The following PLPP4 variants were observed in gnomAD, a reference collection of about 807,000 sequenced individuals.
The protein encoded by PLPP4 is phospholipid phosphatase 4.
Under a neutral mutation model 32.2 loss-of-function variants are expected in PLPP4, and 20 were observed. The ratio of observed to expected loss-of-function variants is 0.62; its 90% CI spans 0.44 to 0.90. The LOEUF is 0.90. PLPP4 is among the 40% of genes least tolerant of loss of function. The probability of loss-of-function intolerance (pLI) is 0.00; values close to 1 mark genes in which losing one functional copy is unlikely to be tolerated. For synonymous variants in PLPP4, 127 were observed against 133.0 expected, an observed-to-expected ratio of 0.95 and a Z score of 0.31; for missense variants, 257 against 353.1, an observed-to-expected ratio of 0.73 and a Z score of 2.18.
chr10:120,531,743 T>C (rs1449308842), intron 5 of PLPP4, among the ~76,000 whole-genome samples: 5 of 152,114 alleles, frequency 3.3e-5, no homozygotes, highest in African/African-American at 1.2e-4. Flanking sequence ...CTGTATAAAT[T>C]TGGATCTACT....
intron 1 of PLPP4, among the ~76,000 whole-genome samples, chr10:120,501,311 C>CATTT (rs1329729540): frequency 1.3e-5 from 2 of 152,078 alleles, no homozygotes; most frequent in Non-Finnish European, 2.9e-5. Flanking sequence ...CATTTCATTT[C>CATTT]ATGTCTTAAA....
chr10:120,560,329 CAAA>C (rs35132547), intron 5 of PLPP4, among the ~76,000 whole-genome samples: 9 of 130,606 alleles, frequency 6.9e-5, no homozygotes, highest in Non-Finnish European at 9.6e-5. Context: ...AGGACCATTG[CAAA>C]AAAAAAAAAA....
At chr10:120,569,093 G>T (rs12247794) in intron 5 of PLPP4, among the ~76,000 whole-genome samples, 1 of 152,014 alleles carries the variant, frequency 6.6e-6, no homozygotes, top group African/African-American at 2.4e-5. Flanking sequence ...ACAAAAACTA[G>T]CTGGGCGTGG....
chr10:120,559,176 A>G (rs994598415), intron 5 of PLPP4, among the ~76,000 whole-genome samples: 3 of 151,460 alleles, frequency 2.0e-5, no homozygotes, highest in Non-Finnish European at 4.4e-5. Context: ...CCTTTTGACC[A>G]TTTTTTTCAA....
At chr10:120,541,417 G>A (rs1459222731) in intron 5 of PLPP4, among the ~76,000 whole-genome samples, 1 of 152,210 alleles carries the variant, frequency 6.6e-6, no homozygotes, top group Non-Finnish European at 1.5e-5. Context: ...GAGAGCCAGC[G>A]ACTGTCCTGA....
At chr10:120,558,525 C>G (rs1442185864) in intron 5 of PLPP4, among the ~76,000 whole-genome samples, 3 of 151,404 alleles carry the variant, frequency 2.0e-5, no homozygotes, top group African/African-American at 2.4e-5. Context: ...AAGCTATTCT[C>G]CTGCCTGAGC....
chr10:120,583,466 A>G (rs768879824), intron 6 of PLPP4, among the ~76,000 whole-genome samples: 38 of 152,154 alleles, frequency 2.5e-4, no homozygotes, highest in Non-Finnish European at 3.8e-4. Context: ...ATAATTCTCA[A>G]TTATAAAATT....
At chr10:120,471,196 A>G (rs889172584) in intron 1 of PLPP4, among the ~76,000 whole-genome samples, 7 of 152,162 alleles carry the variant, frequency 4.6e-5, no homozygotes, top group Non-Finnish European at 1.0e-4. Flanking sequence ...TTTAATTTGA[A>G]GGTATGCTAT....
At chr10:120,530,723 ACCAT>A (rs1404043335) in intron 5 of PLPP4, among the ~76,000 whole-genome samples, 1 of 152,148 alleles carries the variant, frequency 6.6e-6, no homozygotes, top group Non-Finnish European at 1.5e-5. Flanking sequence ...ATTGGAAGAA[ACCAT>A]CCAGCCTTTT....
chr10:120,578,050 C>T (rs868154561), intron 6 of PLPP4, among the ~76,000 whole-genome samples: 70 of 152,184 alleles, frequency 4.6e-4, no homozygotes, highest in Non-Finnish European at 6.0e-4. Context: ...CACAAGACCC[C>T]TCGCCCACTA....
intron 6 of PLPP4, among the ~76,000 whole-genome samples, chr10:120,582,751 T>G: frequency 1.0e-5 from 1 of 97,252 alleles, no homozygotes; most frequent in South Asian, 4.6e-4. Context: ...ACTGTAAATA[T>G]TCCCTCCCTC....
At chr10:120,567,897 C>T (rs888951846) in intron 5 of PLPP4, among the ~76,000 whole-genome samples, 2 of 152,166 alleles carry the variant, frequency 1.3e-5, no homozygotes, top group East Asian at 1.9e-4. Context: ...AATGAGGCTA[C>T]TAGTTCTATT....
intron 5 of PLPP4, among the ~76,000 whole-genome samples, chr10:120,529,443 T>C (rs1846595074): frequency 6.6e-6 from 1 of 152,236 alleles, no homozygotes; most frequent in African/African-American, 2.4e-5. Context: ...TAGAATATTT[T>C]TAGCAATGGA....
At chr10:120,522,322 A>T (rs1404474998) in intron 5 of PLPP4, among the ~76,000 whole-genome samples, 2 of 152,162 alleles carry the variant, frequency 1.3e-5, no homozygotes, top group African/African-American at 2.4e-5. Flanking sequence ...GTTGAAGAAT[A>T]GGGCCTGTCA....
intron 1 of PLPP4, among the ~76,000 whole-genome samples, chr10:120,501,378 C>G (rs1268203635): frequency 6.6e-6 from 1 of 152,134 alleles, no homozygotes; most frequent in East Asian, 1.9e-4. Flanking sequence ...CGAAAACTGT[C>G]TAGTAAAAAT....
intron 5 of PLPP4, among the ~76,000 whole-genome samples, chr10:120,558,375 T>A (rs929379551): frequency 1.3e-5 from 2 of 151,600 alleles, no homozygotes; most frequent in Non-Finnish European, 2.9e-5. Flanking sequence ...TATTGATGTA[T>A]GTAGCAGGAG....
In PLPP4 at chr10:120,589,788, G is replaced by C. The variant is rs952423251; in HGVS notation, c.*286G>C. The C allele has an allele frequency of 5.4e-6, 2 of 372,636 alleles. No homozygotes were observed. Among genetic ancestry groups the C allele is most frequent in the South Asian group, 1.1e-4 (2 of 18,940 alleles). The allele number at this position is 372,636 out of a possible 1,614,324, so 23.1% of individuals were successfully genotyped here. On this transcript the variant is annotated 3_prime_UTR_variant, in exon 7 of 7. Coordinates refer to ENST00000398250, the MANE Select transcript of PLPP4 (RefSeq NM_001030059.3). The stretch of plus-strand genomic sequence containing the variant: ...GATTCGTCTATCTGAAATGTTTGCT[G>C]TAACAGCCACCTTCCTATGTTTTCA...
At chr10:120,487,328 G>A (rs1339315242) in intron 1 of PLPP4, among the ~76,000 whole-genome samples, 1 of 152,210 alleles carries the variant, frequency 6.6e-6, no homozygotes, top group Non-Finnish European at 1.5e-5. Flanking sequence ...AGATGGGAAG[G>A]CAACTCTTCC....
intron 1 of PLPP4, among the ~76,000 whole-genome samples, chr10:120,458,498 T>C (rs1389345587): frequency 6.6e-6 from 1 of 152,176 alleles, no homozygotes; most frequent in Non-Finnish European, 1.5e-5. Context: ...ATGACTTCTG[T>C]TCTGGGCAGC....
Sources: allele counts gnomAD v4.1 joint callset (sites outside exome capture counted in the v4.1 genomes callset), GRCh38; gene constraint gnomAD v4.1.1; transcripts MANE v1.5; gene names NCBI Gene and HGNC (gene_info 2026-07-23, HGNC 2026-07-21).